The following CPQ variants were observed in gnomAD, a reference collection of about 807,000 sequenced individuals.
The protein encoded by CPQ is Ser-Met dipeptidase.
CPQ carries 37 observed loss-of-function variants against 45.7 expected under a neutral mutation model. That is an observed-to-expected ratio of 0.81 (90% CI 0.62 to 1.07). The LOEUF (loss-of-function observed/expected upper bound fraction) is 1.07, where lower values mean the gene tolerates loss of function less well. CPQ is among the 50% of genes least tolerant of loss of function. The pLI, the probability that CPQ is intolerant of heterozygous loss-of-function variation, is 0.00. For synonymous variants in CPQ, 186 were observed against 205.8 expected (o/e 0.90, Z 0.82); for missense variants, 537 against 572.9 (o/e 0.94, Z 0.64).
chr8:97,119,328 CAAAAA>C (rs34998181), intron 7 of CPQ, among the ~76,000 whole-genome samples: 3,860 of 72,306 alleles, frequency 0.053, 150 homozygotes, highest in African/African-American at 0.15. Flanking sequence ...GACTCCATCT[CAAAAA>C]AAAAAAAAAA....
chr8:96,668,689 TTA>T (rs1472114923), intron 1 of CPQ, among the ~76,000 whole-genome samples: 1 of 152,124 alleles, frequency 6.6e-6, no homozygotes, highest in Non-Finnish European at 1.5e-5. Flanking sequence ...ACCCTTGACA[TTA>T]TATATATAAA....
At chr8:96,738,623 A>G (rs1339051563) in intron 1 of CPQ, among the ~76,000 whole-genome samples, 1 of 151,734 alleles carries the variant, frequency 6.6e-6, no homozygotes, top group African/African-American at 2.4e-5. Context: ...CCCCCAACCC[A>G]CAACAGTCCC....
At chr8:96,932,083 A>G (rs1812982261) in intron 4 of CPQ, among the ~76,000 whole-genome samples, 1 of 152,234 alleles carries the variant, frequency 6.6e-6, no homozygotes, top group Admixed American at 6.5e-5. Context: ...AAAAATGCAG[A>G]AAATCAGAGA....
intron 3 of CPQ, among the ~76,000 whole-genome samples, chr8:96,873,389 A>G (rs986763463): frequency 6.6e-6 from 1 of 151,560 alleles, no homozygotes; most frequent in African/African-American, 2.4e-5. Context: ...TGTAAATGAA[A>G]CTTTTTGCTT....
At chr8:96,793,951 G>A (rs142976732) in intron 2 of CPQ, among the ~76,000 whole-genome samples, 193 of 152,262 alleles carry the variant, frequency 1.3e-3, no homozygotes, top group African/African-American at 4.3e-3. Context: ...GGGTTGCCAC[G>A]GTCTTGGGCA....
intron 4 of CPQ, among the ~76,000 whole-genome samples, chr8:96,892,146 A>G (rs1415829166): frequency 2.6e-5 from 4 of 152,168 alleles, no homozygotes; most frequent in South Asian, 2.1e-4. Context: ...TTTTTAATGT[A>G]TATGTGTTTT....
At chr8:96,756,732 A>G (rs1245672425) in intron 1 of CPQ, among the ~76,000 whole-genome samples, 16 of 152,174 alleles carry the variant, frequency 1.1e-4, no homozygotes, top group Admixed American at 9.8e-4. Flanking sequence ...AAAGAAACAC[A>G]TATCTTTTTA....
chr8:96,850,082 G>A (rs887217913), intron 3 of CPQ, among the ~76,000 whole-genome samples: 1 of 152,090 alleles, frequency 6.6e-6, no homozygotes, highest in Non-Finnish European at 1.5e-5. Flanking sequence ...ATCTCCGTAG[G>A]TCCCCCCTAA....
intron 1 of CPQ, among the ~76,000 whole-genome samples, chr8:96,730,723 T>A (rs1809900095): frequency 6.6e-6 from 1 of 151,702 alleles, no homozygotes; most frequent in Non-Finnish European, 1.5e-5. Flanking sequence ...AACACACTGA[T>A]GTCTGGGTAC....
chr8:97,064,051 G>T (rs1022585447), intron 6 of CPQ, among the ~76,000 whole-genome samples: 6 of 151,966 alleles, frequency 3.9e-5, no homozygotes, highest in African/African-American at 9.7e-5. Context: ...AAATTGCTTT[G>T]GGCAGTATGA....
intron 1 of CPQ, among the ~76,000 whole-genome samples, chr8:96,715,972 GT>G (rs1563477258): frequency 6.6e-6 from 1 of 152,246 alleles, no homozygotes; most frequent in Non-Finnish European, 1.5e-5. Context: ...TCTGATGCAG[GT>G]GGCAGGGGAG....
chr8:96,819,733 C>A (rs1317292723), intron 2 of CPQ, among the ~76,000 whole-genome samples: 2 of 152,028 alleles, frequency 1.3e-5, no homozygotes, highest in South Asian at 4.1e-4. Flanking sequence ...GTTGCCATGA[C>A]CTTTGCTCTT....
At chr8:96,799,710 G>C (rs1427742911) in intron 2 of CPQ, among the ~76,000 whole-genome samples, 1 of 152,178 alleles carries the variant, frequency 6.6e-6, no homozygotes, top group Non-Finnish European at 1.5e-5. Context: ...TCATTGTGCA[G>C]ATTCTTTTAT....
At chr8:96,806,399 G>A (rs761638881) in intron 2 of CPQ, among the ~76,000 whole-genome samples, 35 of 152,130 alleles carry the variant, frequency 2.3e-4, no homozygotes, top group Non-Finnish European at 4.9e-4. Flanking sequence ...ATGCAAATAA[G>A]CATGACCTGA....
chr8:97,031,984 T>C (rs1809914831), intron 6 of CPQ, among the ~76,000 whole-genome samples: 1 of 152,224 alleles, frequency 6.6e-6, no homozygotes, highest in African/African-American at 2.4e-5. Context: ...TATAATCATT[T>C]CAAAAGTGGC....
At chr8:96,808,249 AT>A (rs1407595645) in intron 2 of CPQ, among the ~76,000 whole-genome samples, 9 of 152,016 alleles carry the variant, frequency 5.9e-5, no homozygotes, top group Non-Finnish European at 1.2e-4. Flanking sequence ...AAATACCTAA[AT>A]TTTTTTTGAG....
intron 4 of CPQ, among the ~76,000 whole-genome samples, chr8:96,883,051 C>T (rs1301836222): frequency 6.6e-6 from 1 of 152,100 alleles, no homozygotes; most frequent in East Asian, 1.9e-4. Flanking sequence ...TTCTGTGAGG[C>T]TTATTTCACT....
chr8:96,931,970 A>C (rs1812981200), intron 4 of CPQ, among the ~76,000 whole-genome samples: 1 of 152,148 alleles, frequency 6.6e-6, no homozygotes. Flanking sequence ...GAAACTTGAG[A>C]TCTTTTATTC....
intron 3 of CPQ, among the ~76,000 whole-genome samples, chr8:96,836,391 A>T (rs1175722845): frequency 6.6e-6 from 1 of 152,120 alleles, no homozygotes; most frequent in African/African-American, 2.4e-5. Context: ...CCAGGGGAGG[A>T]GGATGGGGCA....
Sources: gnomAD v4.1 joint callset for allele counts (sites outside exome capture counted in the v4.1 genomes callset) on GRCh38, gnomAD v4.1.1 for gene constraint, MANE v1.5 for transcripts, NCBI Gene and HGNC (gene_info 2026-07-23, HGNC 2026-07-21) for gene names.